Variants in SHISAL2B observed in about 807,000 individuals in gnomAD.
SHISAL2B encodes protein shisa-like-2B.
A neutral mutation model predicts 16.5 loss-of-function variants in SHISAL2B; 12 were observed. The ratio of observed to expected loss-of-function variants is 0.73; its 90% CI spans 0.47 to 1.18. The LOEUF is 1.18. SHISAL2B is among the 50% of genes most tolerant of loss of function. The pLI is 0.00. For synonymous variants in SHISAL2B, 72 were observed against 75.0 expected (o/e 0.96, Z 0.21); for missense variants, 183 against 193.6 (o/e 0.95, Z 0.33).
chr5:64,716,175 G>A (rs947351041), intron 2 of SHISAL2B, among the ~76,000 whole-genome samples: 1 of 151,946 alleles, frequency 6.6e-6, no homozygotes, highest in Non-Finnish European at 1.5e-5. Flanking sequence ...TTATCTTTTC[G>A]GTCACTTTCT....
chr5:64,693,137 A>G (rs901016506), intron 1 of SHISAL2B, among the ~76,000 whole-genome samples: 5 of 151,870 alleles, frequency 3.3e-5, no homozygotes, highest in Non-Finnish European at 7.4e-5. Context: ...CCTCCCGAGT[A>G]GCTGGGACTA....
In SHISAL2B at chr5:64,690,538, G is replaced by C; in HGVS notation, c.-86G>C. On this transcript the variant is annotated 5_prime_UTR_variant, in exon 1 of 3. Coordinates refer to ENST00000389074, the MANE Select transcript of SHISAL2B (RefSeq NM_001164442.2). Reference sequence around the variant, plus strand: ...TCGGAAGAGCCGAGTCCGGGCAGAGGGGTCCGCGGGCTCTGGAGGTGCTGG... The same window carrying C: ...TCGGAAGAGCCGAGTCCGGGCAGAGCGGTCCGCGGGCTCTGGAGGTGCTGG... 8.6e-7 allele frequency: 1 copy of C among 1,160,872 alleles called. No individual in the cohort carries two copies. The allele number at this position is 1,160,872 out of a possible 1,614,324, so 71.9% of individuals were successfully genotyped here.
intron 2 of SHISAL2B, among the ~76,000 whole-genome samples, chr5:64,697,227 ATGACT>A (rs1741750928): frequency 7.2e-5 from 11 of 152,254 alleles, no homozygotes; most frequent in African/African-American, 2.7e-4. Context: ...AAATATTTGC[ATGACT>A]CTATATTGGC....
intron 2 of SHISAL2B, among the ~76,000 whole-genome samples, chr5:64,696,949 C>T (rs1186887553): frequency 6.6e-6 from 1 of 152,142 alleles, no homozygotes; most frequent in African/African-American, 2.4e-5. Context: ...TGACCTACTC[C>T]CTATTCGTAT....
At chr5:64,708,839 C>T (rs1741909725) in intron 2 of SHISAL2B, among the ~76,000 whole-genome samples, 1 of 152,002 alleles carries the variant, frequency 6.6e-6, no homozygotes, top group East Asian at 1.9e-4. Flanking sequence ...TGCATGTTTA[C>T]AAGTAGAATA....
At chr5:64,709,624 CA>C (rs1314711760) in intron 2 of SHISAL2B, among the ~76,000 whole-genome samples, 4 of 150,876 alleles carry the variant, frequency 2.7e-5, no homozygotes, top group African/African-American at 9.9e-5. Context: ...GTGACTTCCA[CA>C]ATGGTTGAAC....
chr5:64,704,166 A>G (rs1401563728), intron 2 of SHISAL2B, among the ~76,000 whole-genome samples: 3 of 152,196 alleles, frequency 2.0e-5, no homozygotes, highest in Non-Finnish European at 4.4e-5. Context: ...TTCGCAGATG[A>G]TAGTAGAAAG....
intron 1 of SHISAL2B, chr5:64,694,240 T>C (rs926427144): frequency 1.1e-5 from 4 of 363,386 alleles, no homozygotes; most frequent in Non-Finnish European, 2.2e-5. Flanking sequence ...TTTACATTTA[T>C]TGAACATTTT....
chr5:64,695,850 G>A (rs1000289536), intron 2 of SHISAL2B, among the ~76,000 whole-genome samples, 186 bp downstream of exon 2: 2 of 152,192 alleles, frequency 1.3e-5, no homozygotes, highest in African/African-American at 4.8e-5. Flanking sequence ...TGTGCTGAAG[G>A]AAAAATAGCA....
chr5:64,706,573 G>C (rs988144415), intron 2 of SHISAL2B, among the ~76,000 whole-genome samples: 1 of 152,144 alleles, frequency 6.6e-6, no homozygotes, highest in Admixed American at 6.5e-5. Context: ...CTCAGGTTTT[G>C]TCTGATCTCT....
chr5:64,697,591 G>A (rs1424673223), intron 2 of SHISAL2B, among the ~76,000 whole-genome samples: 1 of 151,944 alleles, frequency 6.6e-6, no homozygotes, highest in Non-Finnish European at 1.5e-5. Context: ...AAATTTTATT[G>A]TGAGATACAC....
intron 2 of SHISAL2B, among the ~76,000 whole-genome samples, chr5:64,712,313 G>T (rs1741970774): frequency 6.6e-6 from 1 of 152,156 alleles, no homozygotes; most frequent in African/African-American, 2.4e-5. Context: ...AGTCATTCAG[G>T]AGCATGTTGT....
At position 64,702,600 on chromosome 5, in the gene SHISAL2B, A is replaced by ATATAATTAC. The variant is rs551043529; in HGVS notation, c.349+6937_349+6945dup. On this transcript the variant is annotated intron_variant, in intron 2 of 2. Transcript: ENST00000389074. ...TATCTAATTATATAATTACCTAGCTATATAATTACCTAATATAATATAGTT... is the reference window on the plus strand; with the variant it reads ...TATCTAATTATATAATTACCTAGCTATATAATTACTATAATTACCTAATATAATATAGTT... Among the ~76,000 whole-genome samples, 555 of 152,216 alleles carry ATATAATTAC rather than the reference A, an allele frequency of 3.6e-3. 2 individuals carry two copies. The highest frequency in any genetic ancestry group is 0.011 in the African/African-American group (475 of 41,566).
chr5:64,700,124 G>T lies in SHISAL2B; in HGVS notation c.349+4460G>T, dbSNP rs528855589. On this transcript the variant is annotated intron_variant, in intron 2 of 2. Coordinates refer to ENST00000389074, the MANE Select transcript of SHISAL2B (RefSeq NM_001164442.2). ...TACAGGACGTACAAAGAAAAAGATG[G>T]CTGTGTGAAAGGCACCCTTCTGAGT... Among the ~76,000 whole-genome samples the T allele has an allele frequency of 2.0e-5, 3 of 151,288 alleles. No homozygotes were observed. The East Asian group carries it at 5.9e-4, about 30-fold the overall frequency.
chr5:64,695,256 C>T (rs1241433782), intron 1 of SHISAL2B, among the ~76,000 whole-genome samples: 2 of 118,140 alleles, frequency 1.7e-5, no homozygotes, highest in South Asian at 5.4e-4. Context: ...CAGAGTGAGA[C>T]ACCATCTCAA....
Position 64,714,602 on chromosome 5 carries a change from A to C in SHISAL2B, c.350-3287A>C, listed in dbSNP as rs1254090897. Among the ~76,000 whole-genome samples, 7 of 152,244 alleles carry C rather than the reference A, an allele frequency of 4.6e-5. No individual in the cohort carries two copies. In the East Asian group the frequency reaches 1.2e-3, roughly 25 times the overall value. ...GCTTCCCGGCTGCTTTGTTTACCTA[A>C]GCAAGCCTGGGCAATGGTGGGCGCC... On this transcript the variant is annotated intron_variant, in intron 2 of 2. Transcript: ENST00000389074.
At chr5:64,714,134 A>G (rs1381040576) in intron 2 of SHISAL2B, among the ~76,000 whole-genome samples, 1 of 150,424 alleles carries the variant, frequency 6.6e-6, no homozygotes, top group African/African-American at 2.5e-5. Context: ...TAGAGTTTCC[A>G]GTTTTTCTGT....
chr5:64,702,301 A>AGCGGTTCT (rs1362055574), intron 2 of SHISAL2B, among the ~76,000 whole-genome samples: 10 of 152,072 alleles, frequency 6.6e-5, no homozygotes, highest in African/African-American at 2.4e-4. Flanking sequence ...CCCGGGTTCA[A>AGCGGTTCT]GCGGTTCTTC....
chr5:64,695,470 C>G, intron 1 of SHISAL2B, 37 bp from the exon 2 acceptor site: 2 of 1,481,974 alleles, frequency 1.3e-6, no homozygotes, highest in Non-Finnish European at 1.8e-6. Flanking sequence ...GTGTGAACCA[C>G]TTTGTGTGAC....
Sources: gnomAD v4.1 joint callset for allele counts (sites outside exome capture counted in the v4.1 genomes callset) on GRCh38, gnomAD v4.1.1 for gene constraint, MANE v1.5 for transcripts, NCBI Gene and HGNC (gene_info 2026-07-23, HGNC 2026-07-21) for gene names.